NT5C2: variants seen among roughly 807,000 people sequenced by gnomAD.
NT5C2 encodes 5'-nucleotidase, cytosolic II.
A neutral mutation model predicts 76.1 loss-of-function variants in NT5C2; 58 were observed. The observed-to-expected ratio is 0.76, with a 90% confidence interval of 0.62 to 0.95. NT5C2 has a LOEUF of 0.95. Among genes scored for constraint, NT5C2 ranks in the 40% least tolerant of loss-of-function variants. NT5C2 has a pLI of 0.00. For missense variants in NT5C2, 478 were observed against 690.3 expected (o/e 0.69, Z 3.45); for synonymous variants, 229 against 237.4 (o/e 0.96, Z 0.32).
At chr10:103,111,755 T>TG in intron 4 of NT5C2, 1 of 1,231,988 alleles carries the variant, frequency 8.1e-7, no homozygotes, top group Middle Eastern at 3.1e-4. Flanking sequence ...ATGAGGCAGA[T>TG]GCAGATGCAG....
chr10:103,090,834 T>TA, intron 17 of NT5C2, 47 bp from the exon 18 acceptor site: 1 of 1,600,020 alleles, frequency 6.2e-7, no homozygotes, highest in Non-Finnish European at 8.6e-7. Flanking sequence ...AACAAATATT[T>TA]ATTGAGCAGT....
rs2071080463 is a variant in NT5C2 at position 103,105,741 on chromosome 10, G to C, written c.354C>G (p.Leu118=). Residue 118 remains leucine, a synonymous_variant, in exon 6 of 19, where the codon CTC becomes CTG. Coordinates refer to ENST00000404739, the MANE Select transcript of NT5C2 (RefSeq NM_001351169.2). The stretch of plus-strand genomic sequence containing the variant: ...AGTTAAATCCATGTGCACAGACCAA[G>C]AGGTTTCCATAGGCATCGACTTTCA... ...NLLKVDAYGN[L]LVCAHGFNFI... 1 of 1,613,304 alleles carries C rather than the reference G, an allele frequency of 6.2e-7. No homozygotes were observed. Among genetic ancestry groups the C allele is most frequent in the Admixed American group, 1.7e-5 (1 of 59,994 alleles).
At chr10:103,152,611 T>C (rs2082598478) in intron 3 of NT5C2, among the ~76,000 whole-genome samples, 1 of 152,188 alleles carries the variant, frequency 6.6e-6, no homozygotes, top group South Asian at 2.1e-4. Context: ...TTATGTCCTA[T>C]TTTATTAAAA....
chr10:103,138,625 GGC>G (rs1178117211), intron 4 of NT5C2, among the ~76,000 whole-genome samples: 1 of 152,146 alleles, frequency 6.6e-6, no homozygotes. Context: ...TCCTTTATGT[GGC>G]TGCAGCTCTA....
chr10:103,189,997 CTTTTT>C (rs1239145078), intron 1 of NT5C2, among the ~76,000 whole-genome samples: 1 of 108,044 alleles, frequency 9.3e-6, no homozygotes, highest in Non-Finnish European at 1.8e-5. Flanking sequence ...TTGTGGCTTT[CTTTTT>C]TTTTTTTTTT....
intron 3 of NT5C2, among the ~76,000 whole-genome samples, chr10:103,164,255 A>G (rs569632460): frequency 5.9e-5 from 9 of 151,640 alleles, no homozygotes; most frequent in Non-Finnish European, 1.2e-4. Context: ...CTGAAAAACA[A>G]TGCTTTTTTT....
At chr10:103,175,489 C>A in intron 2 of NT5C2, 1 of 163,294 alleles carries the variant, frequency 6.1e-6, no homozygotes, top group South Asian at 1.6e-4. Context: ...CCAGCCAACC[C>A]CGCTGTACTA....
intron 4 of NT5C2, among the ~76,000 whole-genome samples, chr10:103,130,983 T>TTTCC (rs2078062215): frequency 6.6e-6 from 1 of 152,350 alleles, no homozygotes. Flanking sequence ...GTCATATGTA[T>TTTCC]TTCCCACATT....
chr10:103,093,885 A>G (rs1017485569), intron 14 of NT5C2, 87 bp downstream of exon 14: 19 of 980,720 alleles, frequency 1.9e-5, no homozygotes, highest in African/African-American at 1.3e-4. Flanking sequence ...ACTAAACAGT[A>G]TATGTGGCAC....
At chr10:103,167,239 AACTCCTG>A (rs2086635375) in intron 3 of NT5C2, among the ~76,000 whole-genome samples, 1 of 152,004 alleles carries the variant, frequency 6.6e-6, no homozygotes, top group Non-Finnish European at 1.5e-5. Context: ...GCTAGTCTCA[AACTCCTG>A]ACCTCAGGCG....
At chr10:103,143,572 G>C (rs775092616) in intron 3 of NT5C2, among the ~76,000 whole-genome samples, 4 of 149,926 alleles carry the variant, frequency 2.7e-5, no homozygotes, top group Non-Finnish European at 5.9e-5. Flanking sequence ...AAGTAGCTGG[G>C]ACCACAGGTA....
At chr10:103,168,978 A>G (rs1015318724) in intron 3 of NT5C2, among the ~76,000 whole-genome samples, 3 of 151,838 alleles carry the variant, frequency 2.0e-5, no homozygotes, top group Non-Finnish European at 4.4e-5. Context: ...ACTTAACTAG[A>G]AAACTAAAAT....
At chr10:103,135,285 T>C (rs2078965945) in intron 4 of NT5C2, among the ~76,000 whole-genome samples, 1 of 152,014 alleles carries the variant, frequency 6.6e-6, no homozygotes, top group African/African-American at 2.4e-5. Flanking sequence ...CAGTGGGAGG[T>C]AATTGAATCA....
intron 1 of NT5C2, among the ~76,000 whole-genome samples, chr10:103,185,397 C>A (rs2091882665): frequency 6.6e-6 from 1 of 151,764 alleles, no homozygotes; most frequent in Non-Finnish European, 1.5e-5. Flanking sequence ...TATAATCCCA[C>A]CACTCTGGGA....
At chr10:103,134,082 A>G (rs2078736692) in intron 4 of NT5C2, among the ~76,000 whole-genome samples, 2 of 152,206 alleles carry the variant, frequency 1.3e-5, no homozygotes, top group Admixed American at 1.3e-4. Context: ...GCAGAGCATA[A>G]AAGTTCCGAA....
At chr10:103,165,574 C>CG in intron 3 of NT5C2, among the ~76,000 whole-genome samples, 1 of 109,266 alleles carries the variant, frequency 9.2e-6, no homozygotes, top group Non-Finnish European at 1.8e-5. Flanking sequence ...CCACCTGTGG[C>CG]TTTTTTTTTT....
intron 3 of NT5C2, among the ~76,000 whole-genome samples, chr10:103,166,577 T>A (rs10509766): frequency 6.6e-6 from 1 of 152,016 alleles, no homozygotes; most frequent in Non-Finnish European, 1.5e-5. Flanking sequence ...CTTAGGAAGA[T>A]GAAACATGAA....
chr10:103,105,972 C>CTTT (rs1489030856), intron 5 of NT5C2, among the ~76,000 whole-genome samples, 171 bp from the exon 6 acceptor site: 1 of 152,070 alleles, frequency 6.6e-6, no homozygotes, highest in African/African-American at 2.4e-5. Context: ...AATTCTAAAG[C>CTTT]AACTAAAAAA....
In NT5C2 at chr10:103,095,995, T is replaced by G; in HGVS notation, c.772-15A>C. ...GTCATAATTTTCTGGAAAAAAAAATTTAACATAAGGTCCATATACTACTTT... is the reference window on the plus strand; with the variant it reads ...GTCATAATTTTCTGGAAAAAAAAATGTAACATAAGGTCCATATACTACTTT... On this transcript the variant is annotated splice_polypyrimidine_tract_variant and intron_variant, in intron 11 of 18. Coordinates refer to ENST00000404739, the MANE Select transcript of NT5C2 (RefSeq NM_001351169.2). 1 of 1,609,332 alleles carries G rather than the reference T, an allele frequency of 6.2e-7. No individual in the cohort carries two copies.
Sources: gnomAD v4.1 joint callset for allele counts (sites outside exome capture counted in the v4.1 genomes callset) on GRCh38, gnomAD v4.1.1 for gene constraint, MANE v1.5 for transcripts, NCBI Gene and HGNC (gene_info 2026-07-23, HGNC 2026-07-21) for gene names.